The following BEND2 variants were observed in gnomAD, a reference collection of about 807,000 sequenced individuals.
BEND2 encodes the protein BEN domain-containing protein 2.
BEND2 carries 19 observed loss-of-function variants against 43.8 expected under a neutral mutation model. That is an observed-to-expected ratio of 0.43 (90% CI 0.30 to 0.64). The LOEUF (loss-of-function observed/expected upper bound fraction) is 0.64, where lower values mean the gene tolerates loss of function less well. Among genes scored for constraint, BEND2 ranks in the 30% least tolerant of loss-of-function variants. BEND2 has a pLI of 0.11. For synonymous variants in BEND2, 226 were observed against 210.1 expected, an observed-to-expected ratio of 1.08 and a Z score of -0.66; for missense variants, 544 against 574.0, an observed-to-expected ratio of 0.95 and a Z score of 0.53.
intron 10 of BEND2, among the ~76,000 whole-genome samples, chrX:18,176,680 GA>G (rs758262170): frequency 3.6e-3 from 386 of 107,947 alleles, no homozygotes; most frequent in African/African-American, 0.012. Flanking sequence ...CCATGCGTCT[GA>G]AAAAAAAAAT....
chrX:18,205,635 GCTCCTGTC>G (rs1231859468), intron 4 of BEND2, among the ~76,000 whole-genome samples: 23 of 67,350 alleles, frequency 3.4e-4, no homozygotes, highest in Non-Finnish European at 5.5e-4. Flanking sequence ...AAAAAAAAAA[GCTCCTGTC>G]CTAGAGGAAC....
intron 4 of BEND2, among the ~76,000 whole-genome samples, chrX:18,208,651 A>C (rs1014250372): frequency 8.9e-6 from 1 of 111,889 alleles, no homozygotes; most frequent in Non-Finnish European, 1.9e-5. Flanking sequence ...GAAAAAGAGA[A>C]TATGAGAATA....
At chrX:18,213,951 A>T (rs1366754164) in intron 2 of BEND2, 40 bp from the exon 3 acceptor site, 1 of 113,454 alleles carries the variant, frequency 8.8e-6, no homozygotes, top group East Asian at 2.8e-4. Flanking sequence ...TAAAAGATAC[A>T]ATAAGATACC....
rs987854704 is a variant in BEND2 at position 18,191,102 on chromosome X, C to T, written c.1187G>A (p.Gly396Asp). ...YLPITSNFES[G>D]PQMSYGTMSY... Reference sequence around the variant, plus strand: ...CATTGTCCCATAACTCATTTGTGGGCCAGATTCTGTTTTGAACAACATTTC... The same window carrying T: ...CATTGTCCCATAACTCATTTGTGGGTCAGATTCTGTTTTGAACAACATTTC... Residue 396 changes from glycine to aspartate, a missense_variant, in exon 8 of 14, where the codon GGC (glycine) becomes GAC (aspartate). Physicochemically the swap from Gly to Asp is moderately conservative, Grantham distance 94. This residue lies in a region of BEND2 where 501 missense variants were observed against 501.6 expected (regional missense o/e 1.00). Coordinates refer to ENST00000380033, the MANE Select transcript of BEND2 (RefSeq NM_153346.5). 1 of 1,194,677 alleles carries T rather than the reference C, an allele frequency of 8.4e-7. No homozygotes were observed. The highest frequency in any genetic ancestry group is 1.1e-6 in the Non-Finnish European group (1 of 884,125).
chrX:18,169,774 C>A (rs1241444389), intron 13 of BEND2, among the ~76,000 whole-genome samples: 1 of 111,663 alleles, frequency 9.0e-6, no homozygotes, highest in East Asian at 2.8e-4. Flanking sequence ...TAAAATCTGC[C>A]CTATGTGAAT....
At chrX:18,202,253 CCT>C (rs1925190638) in intron 5 of BEND2, among the ~76,000 whole-genome samples, 1 of 111,892 alleles carries the variant, frequency 8.9e-6, no homozygotes, top group Non-Finnish European at 1.9e-5. Flanking sequence ...ATACAGCGCC[CCT>C]GGAAAATAGT....
At chrX:18,203,937 A>T (rs997160034) in intron 4 of BEND2, 22 bp from the exon 5 acceptor site, 7 of 1,141,124 alleles carry the variant, frequency 6.1e-6, no homozygotes, top group Non-Finnish European at 7.0e-6. Flanking sequence ...AAGAGAACAG[A>T]ATGAGTAAAG....
intron 3 of BEND2, 45 bp from the exon 4 acceptor site, chrX:18,212,725 T>A: frequency 1.2e-6 from 1 of 823,560 alleles, no homozygotes; most frequent in Non-Finnish European, 1.8e-6. Flanking sequence ...ACTACTCTCT[T>A]AATAACCTTA....
At chrX:18,217,085 T>C (rs770918102) in intron 1 of BEND2, among the ~76,000 whole-genome samples, 6 of 112,848 alleles carry the variant, frequency 5.3e-5, no homozygotes, top group Non-Finnish European at 1.1e-4. Context: ...TGGTGTTAAG[T>C]AGACATACTT....
chrX:18,204,872 A>C (rs1437005328), intron 4 of BEND2, among the ~76,000 whole-genome samples: 1 of 112,011 alleles, frequency 8.9e-6, no homozygotes, highest in Non-Finnish European at 1.9e-5. Flanking sequence ...CTAAAAGACC[A>C]AATACTCACT....
intron 9 of BEND2, among the ~76,000 whole-genome samples, chrX:18,179,002 C>T (rs1924279235): frequency 1.0e-5 from 1 of 98,322 alleles, no homozygotes; most frequent in South Asian, 4.5e-4. Context: ...ACATTCTAGA[C>T]CAAAATTTTT....
chrX:18,196,280 C>G (rs1468267777), intron 6 of BEND2, among the ~76,000 whole-genome samples: 1 of 101,246 alleles, frequency 9.9e-6, no homozygotes, highest in Non-Finnish European at 2.0e-5. Context: ...GCCTGGATGA[C>G]AGAGCGAGAC....
chrX:18,182,845 C>A (rs1410436506), intron 8 of BEND2, among the ~76,000 whole-genome samples: 2 of 110,028 alleles, frequency 1.8e-5, no homozygotes, highest in African/African-American at 6.6e-5. Flanking sequence ...AGTTAGAGAC[C>A]AGCCTGGCCA....
chrX:18,220,754 G>A lies in BEND2; in HGVS notation c.-4C>T. ...GTTCCTGGGTCCTCTCTGACATCGTGAGATGGCGGGGTCTGGCTCTGAGGC... is the reference window on the plus strand; with the variant it reads ...GTTCCTGGGTCCTCTCTGACATCGTAAGATGGCGGGGTCTGGCTCTGAGGC... On this transcript the variant is annotated 5_prime_UTR_variant, in exon 1 of 14. Transcript: ENST00000380033. 1 of 1,208,730 alleles carries A rather than the reference G, an allele frequency of 8.3e-7. No individual in the cohort carries two copies. The highest frequency in any genetic ancestry group is 1.8e-5 in the South Asian group (1 of 56,584).
chrX:18,214,548 G>A (rs1490100463), intron 2 of BEND2, among the ~76,000 whole-genome samples: 1 of 110,770 alleles, frequency 9.0e-6, no homozygotes, highest in Middle Eastern at 4.7e-3. Context: ...CTATGGCCGG[G>A]CGTGGTGGCT....
intron 8 of BEND2, 75 bp from the exon 9 acceptor site, chrX:18,180,725 C>CACAT: frequency 1.3e-6 from 1 of 744,988 alleles, no homozygotes. Flanking sequence ...GGGAAATACA[C>CACAT]TCTCAGACAA....
chrX:18,176,622 C>G (rs187952266), intron 10 of BEND2, among the ~76,000 whole-genome samples: 1 of 109,199 alleles, frequency 9.2e-6, no homozygotes, highest in Admixed American at 9.9e-5. Flanking sequence ...GAGGCTGCAC[C>G]GAGCTATGAT....
intron 6 of BEND2, among the ~76,000 whole-genome samples, chrX:18,197,421 G>A (rs756552454): frequency 9.0e-6 from 1 of 111,689 alleles, no homozygotes; most frequent in African/African-American, 3.3e-5. Context: ...GTGACAGAGT[G>A]AGACTCCGCC....
chrX:18,183,088 G>C (rs1252332556), intron 8 of BEND2, among the ~76,000 whole-genome samples: 1 of 98,925 alleles, frequency 1.0e-5, no homozygotes, highest in Non-Finnish European at 2.0e-5. Flanking sequence ...CAGAACATCA[G>C]CAAGGACAGA....
Sources: allele counts gnomAD v4.1 joint callset (sites outside exome capture counted in the v4.1 genomes callset), GRCh38; gene constraint gnomAD v4.1.1; regional missense constraint gnomAD v4.1.1; transcripts MANE v1.5; gene names NCBI Gene and HGNC (gene_info 2026-07-23, HGNC 2026-07-21).